Variants in TLN2 observed in about 807,000 individuals in gnomAD.
The protein encoded by TLN2 is talin 2.
Under a neutral mutation model 294.7 loss-of-function variants are expected in TLN2, and 118 were observed. The ratio of observed to expected loss-of-function variants is 0.40; its 90% CI spans 0.34 to 0.47. The LOEUF is 0.47. TLN2 is among the 20% of genes least tolerant of loss of function. The pLI is 0.84. For missense variants in TLN2, 3,083 were observed against 3,282.2 expected (o/e 0.94, Z 1.48); for synonymous variants, 1,431 against 1,304.5 (o/e 1.10, Z -2.09).
chr15:62,781,328 C>A, intron 44 of TLN2, 87 bp downstream of exon 44: 2 of 1,034,352 alleles, frequency 1.9e-6, no homozygotes, highest in Non-Finnish European at 2.9e-6. Context: ...AGATCTGTGT[C>A]AGAGAGAGAG....
chr15:62,645,578 T>C (rs1202951329), intron 3 of TLN2, among the ~76,000 whole-genome samples: 1 of 152,172 alleles, frequency 6.6e-6, no homozygotes, highest in East Asian at 1.9e-4. Context: ...CACCTGTCGT[T>C]AGGACGCCAG....
At chr15:62,575,487 A>G (rs2044307190) in intron 1 of TLN2, among the ~76,000 whole-genome samples, 1 of 152,154 alleles carries the variant, frequency 6.6e-6, no homozygotes, top group Non-Finnish European at 1.5e-5. Context: ...TTTACTCTCA[A>G]TTTCTGTACT....
At position 62,763,593 on chromosome 15, in the gene TLN2, T is replaced by C. The variant is rs780495852; in HGVS notation, c.4992T>C (p.Asp1664=). 1.2e-6 allele frequency: 2 copies of C among 1,613,592 alleles called. No individual in the cohort carries two copies. The highest frequency in any genetic ancestry group is 2.2e-5 in the South Asian group (2 of 91,062). The change falls in exon 40 of 59, where the codon GAT becomes GAC. Residue 1664 remains aspartate (D), a synonymous_variant. Coordinates refer to ENST00000636159, the MANE Select transcript of TLN2 (RefSeq NM_015059.3). ...RDKAPGQREC[D]YSIDGINRCI... Reference sequence around the variant, plus strand: ...AGGCCCCTGGACAGAGGGAGTGTGATTACTCCATCGATGGCATCAACCGGT... The same window carrying C: ...AGGCCCCTGGACAGAGGGAGTGTGACTACTCCATCGATGGCATCAACCGGT...
chr15:62,725,138 A>C (rs996764894), intron 27 of TLN2, 34 bp downstream of exon 27: 1 of 1,582,004 alleles, frequency 6.3e-7, no homozygotes, highest in Non-Finnish European at 8.6e-7. Flanking sequence ...GTGCGGGTGT[A>C]CCTTTTGTTA....
chr15:62,522,789 C>G (rs1333875828), intron 1 of TLN2, among the ~76,000 whole-genome samples: 3 of 142,292 alleles, frequency 2.1e-5, no homozygotes, highest in Admixed American at 6.8e-5. Flanking sequence ...TTTCAGAGTT[C>G]AAAAACCAGA....
intron 9 of TLN2, among the ~76,000 whole-genome samples, chr15:62,665,330 T>C (rs1280660862): frequency 6.6e-6 from 1 of 152,098 alleles, no homozygotes; most frequent in African/African-American, 2.4e-5. Context: ...GATTACAGAC[T>C]TGAGACAGCA....
intron 1 of TLN2, among the ~76,000 whole-genome samples, chr15:62,528,874 T>TA (rs1325886813): frequency 6.6e-6 from 1 of 152,168 alleles, no homozygotes. Flanking sequence ...TTACTTTCTG[T>TA]ACTTCACACA....
chr15:62,802,315 G>C (rs1424512037), intron 50 of TLN2, among the ~76,000 whole-genome samples: 3 of 151,370 alleles, frequency 2.0e-5, no homozygotes, highest in African/African-American at 7.3e-5. Flanking sequence ...TCCTATGGCT[G>C]AATAGTACTC....
chr15:62,463,020 G>A (rs1037314210), intron 1 of TLN2, among the ~76,000 whole-genome samples: 5 of 152,168 alleles, frequency 3.3e-5, no homozygotes, highest in African/African-American at 9.7e-5. Context: ...GGCCACGGGG[G>A]TACTTATTCC....
At position 62,823,521 on chromosome 15, in the gene TLN2, A is replaced by G. The variant is rs553642219; in HGVS notation, c.7002+2911A>G. Among the ~76,000 whole-genome samples the G allele has an allele frequency of 2.0e-5, 3 of 152,288 alleles. No individual in the cohort carries two copies. In the South Asian group the frequency reaches 6.2e-4, roughly 32 times the overall value. ...GGTACACACACATGCCTTCAGTATA[A>G]AATGGATGTGTGTTCCTTCTGGGGA... is the stretch of plus-strand genomic sequence containing the variant. On this transcript the variant is annotated intron_variant, in intron 54 of 58. Transcript: ENST00000636159.
intron 2 of TLN2, among the ~76,000 whole-genome samples, chr15:62,596,125 C>T (rs911487362): frequency 1.3e-5 from 2 of 151,862 alleles, no homozygotes; most frequent in Non-Finnish European, 1.5e-5. Context: ...ATTAGCCGGG[C>T]GCAGTGGCAG....
chr15:62,510,750 C>T (rs1180006523), intron 1 of TLN2, among the ~76,000 whole-genome samples: 1 of 152,196 alleles, frequency 6.6e-6, no homozygotes, highest in Non-Finnish European at 1.5e-5. Flanking sequence ...CTTTCTCTGC[C>T]CTGCCTGCCC....
chr15:62,393,008 C>T (rs990795622), intron 1 of TLN2, among the ~76,000 whole-genome samples: 10 of 150,830 alleles, frequency 6.6e-5, no homozygotes, highest in Middle Eastern at 3.4e-3. Flanking sequence ...TTTTTTTTTT[C>T]ATTGAGCACT....
intron 3 of TLN2, among the ~76,000 whole-genome samples, chr15:62,620,490 TTTTC>T (rs1351222634): frequency 3.6e-5 from 5 of 139,774 alleles, no homozygotes; most frequent in Admixed American, 3.6e-4. Flanking sequence ...CCCCACACCC[TTTTC>T]TTTCTTTCTT....
chr15:62,777,443 G>T (rs541403526), intron 43 of TLN2, among the ~76,000 whole-genome samples: 1 of 152,052 alleles, frequency 6.6e-6, no homozygotes, highest in Admixed American at 6.5e-5. Context: ...GGCTGAGGCA[G>T]GAGAATCGCT....
chr15:62,838,134 T>TAGAGCCTGTGGTGCTG (rs1293695252), intron 57 of TLN2: 1 of 152,186 alleles, frequency 6.6e-6, no homozygotes, highest in African/African-American at 2.4e-5. Context: ...CACTCCATCT[T>TAGAGCCTGTGGTGCTG]AGAGCCTGTG....
At chr15:62,554,881 T>A (rs1427272001) in intron 1 of TLN2, among the ~76,000 whole-genome samples, 1 of 152,024 alleles carries the variant, frequency 6.6e-6, no homozygotes, top group Non-Finnish European at 1.5e-5. Flanking sequence ...TCCTTGCAGG[T>A]GTGGAGAAAA....
intron 48 of TLN2, 70 bp from the exon 49 acceptor site, chr15:62,800,298 T>G (rs1383849723): frequency 4.4e-6 from 7 of 1,574,128 alleles, no homozygotes; most frequent in Admixed American, 1.8e-5. Context: ...GCCCTCAGGC[T>G]GCATGCCTTG....
At chr15:62,576,350 A>G (rs1386590241) in intron 1 of TLN2, among the ~76,000 whole-genome samples, 2 of 152,132 alleles carry the variant, frequency 1.3e-5, no homozygotes, top group Non-Finnish European at 2.9e-5. Flanking sequence ...ATGTTTATGC[A>G]TTTGTGAAAA....
Sources: allele counts gnomAD v4.1 joint callset (sites outside exome capture counted in the v4.1 genomes callset), GRCh38; gene constraint gnomAD v4.1.1; transcripts MANE v1.5; gene names NCBI Gene and HGNC (gene_info 2026-07-23, HGNC 2026-07-21).